BNC2: variants seen among roughly 807,000 people sequenced by gnomAD.
BNC2 encodes the protein basonuclin zinc finger protein 2.
In BNC2, 20 loss-of-function variants were observed where a neutral mutation model predicts 76.3. The observed-to-expected ratio is 0.26, with a 90% CI of 0.18 to 0.38. The LOEUF is 0.38. Among genes scored for constraint, BNC2 ranks in the 10% least tolerant of loss-of-function variants. BNC2 has a pLI of 1.00. For missense variants in BNC2, 1,382 were observed against 1,399.8 expected (o/e 0.99, Z 0.20); for synonymous variants, 582 against 514.8 (o/e 1.13, Z -1.77).
At chr9:16,441,924 A>C (rs1821137046) in intron 5 of BNC2, among the ~76,000 whole-genome samples, 1 of 152,248 alleles carries the variant, frequency 6.6e-6, no homozygotes, top group Non-Finnish European at 1.5e-5. Context: ...TCAGTCTGTT[A>C]GGCTAGGACG....
intron 1 of BNC2, 134 bp from the exon 2 acceptor site, chr9:16,738,619 T>C: frequency 9.7e-7 from 1 of 1,030,576 alleles, no homozygotes; most frequent in Non-Finnish European, 1.4e-6. Flanking sequence ...TAAGAGTTAA[T>C]AGTTTCTAAG....
chr9:16,688,510 C>G (rs1387438306), intron 3 of BNC2, among the ~76,000 whole-genome samples: 1 of 152,098 alleles, frequency 6.6e-6, no homozygotes, highest in South Asian at 2.1e-4. Context: ...CCGTTTTATC[C>G]ACTTTTCCTC....
intron 3 of BNC2, among the ~76,000 whole-genome samples, chr9:16,659,914 G>C (rs1008037144): frequency 2.0e-5 from 3 of 152,120 alleles, no homozygotes; most frequent in African/African-American, 4.8e-5. Context: ...TAATCTCCAA[G>C]GGGAAAGGAC....
At chr9:16,827,925 T>C (rs1412866198) in intron 1 of BNC2, among the ~76,000 whole-genome samples, 1 of 152,232 alleles carries the variant, frequency 6.6e-6, no homozygotes, top group South Asian at 2.1e-4. Context: ...TATTGAGGCA[T>C]GTCTGTATTC....
chr9:16,648,919 A>C (rs1821715226), intron 3 of BNC2, among the ~76,000 whole-genome samples: 1 of 152,222 alleles, frequency 6.6e-6, no homozygotes, highest in African/African-American at 2.4e-5. Context: ...ACTATGATAA[A>C]AATATAGTTT....
At chr9:16,808,766 G>T (rs1281582894) in intron 1 of BNC2, among the ~76,000 whole-genome samples, 1 of 151,608 alleles carries the variant, frequency 6.6e-6, no homozygotes, top group African/African-American at 2.4e-5. Context: ...CTACAATAAA[G>T]ATCTAAAACC....
intron 4 of BNC2, among the ~76,000 whole-genome samples, chr9:16,579,431 C>G (rs988497444): frequency 2.0e-5 from 3 of 151,930 alleles, no homozygotes; most frequent in Non-Finnish European, 4.4e-5. Context: ...CGAGAGCACA[C>G]GCAAACACAC....
chr9:16,646,382 A>G (rs956293615), intron 3 of BNC2, among the ~76,000 whole-genome samples: 10 of 152,322 alleles, frequency 6.6e-5, no homozygotes, highest in Non-Finnish European at 1.2e-4. Flanking sequence ...CTAAATATTC[A>G]TTTTTTAAAT....
intron 1 of BNC2, among the ~76,000 whole-genome samples, chr9:16,794,148 G>T (rs1817586668): frequency 6.6e-6 from 1 of 152,082 alleles, no homozygotes; most frequent in African/African-American, 2.4e-5. Context: ...GCAAGGTATT[G>T]TCCTCAGGCT....
intron 3 of BNC2, among the ~76,000 whole-genome samples, chr9:16,637,983 A>G (rs1439222864): frequency 2.0e-5 from 3 of 152,250 alleles, no homozygotes; most frequent in Admixed American, 1.3e-4. Flanking sequence ...GGTGTGGCTG[A>G]TAACAAAATC....
intron 1 of BNC2, among the ~76,000 whole-genome samples, chr9:16,865,310 C>T (rs1431763941): frequency 2.6e-5 from 4 of 152,096 alleles, no homozygotes; most frequent in Non-Finnish European, 5.9e-5. Flanking sequence ...CACATTCTGC[C>T]TTCCTTATGG....
intron 4 of BNC2, among the ~76,000 whole-genome samples, chr9:16,573,560 A>C (rs1212940650): frequency 1.3e-5 from 2 of 152,116 alleles, no homozygotes; most frequent in African/African-American, 4.8e-5. Flanking sequence ...GGCGAGTAGA[A>C]TCTAAGGCCC....
At chr9:16,539,551 GA>G (rs1169002197) in intron 5 of BNC2, among the ~76,000 whole-genome samples, 1 of 139,422 alleles carries the variant, frequency 7.2e-6, no homozygotes, top group Admixed American at 7.4e-5. Flanking sequence ...GAGAGGGAGA[GA>G]GGGGGAGGGG....
intron 3 of BNC2, among the ~76,000 whole-genome samples, chr9:16,669,717 A>G (rs1822417858): frequency 6.6e-6 from 1 of 152,210 alleles, no homozygotes; most frequent in South Asian, 2.1e-4. Context: ...TTCTTCTCTA[A>G]CTGCTTAAAT....
At chr9:16,728,070 G>A (rs980601170) in intron 2 of BNC2, 73 bp from the exon 3 acceptor site, 2 of 1,162,994 alleles carry the variant, frequency 1.7e-6, no homozygotes, top group East Asian at 6.5e-5. Context: ...TAAGAAGCTG[G>A]CTGAACTGTG....
At position 16,512,707 on chromosome 9, in the gene BNC2, G is replaced by A. The variant is rs561180572; in HGVS notation, c.669+39823C>T. On this transcript the variant is annotated intron_variant, in intron 5 of 6. Transcript: ENST00000380672. ...AGGGGTTTCTATAAAAAACTAGTAAGAATCTTTTTGATATAAAAGTATCAT... is the reference window on the plus strand; with the variant it reads ...AGGGGTTTCTATAAAAAACTAGTAAAAATCTTTTTGATATAAAAGTATCAT... Among the ~76,000 whole-genome samples, 10 of 152,210 alleles carry A rather than the reference G, an allele frequency of 6.6e-5. No homozygotes were observed. In the South Asian group the frequency reaches 2.1e-3, roughly 32 times the overall value.
chr9:16,497,818 G>C (rs1189678459), intron 5 of BNC2, among the ~76,000 whole-genome samples: 1 of 151,970 alleles, frequency 6.6e-6, no homozygotes, highest in Non-Finnish European at 1.5e-5. Context: ...GAAAAACGCA[G>C]GTTAGCCAGT....
intron 1 of BNC2, among the ~76,000 whole-genome samples, chr9:16,810,554 G>A (rs1465516723): frequency 6.6e-6 from 1 of 152,242 alleles, no homozygotes; most frequent in African/African-American, 2.4e-5. Context: ...GAAGGCCCTG[G>A]CAAGCAGACC....
intron 3 of BNC2, among the ~76,000 whole-genome samples, chr9:16,631,093 A>G (rs1158813956): frequency 6.6e-6 from 1 of 152,096 alleles, no homozygotes; most frequent in Non-Finnish European, 1.5e-5. Flanking sequence ...CTTTAAAACT[A>G]CATTTATGGG....
Sources: gnomAD v4.1 joint callset for allele counts (sites outside exome capture counted in the v4.1 genomes callset) on GRCh38, gnomAD v4.1.1 for gene constraint, MANE v1.5 for transcripts, NCBI Gene and HGNC (gene_info 2026-07-23, HGNC 2026-07-21) for gene names.